HHLA1: variants seen among roughly 807,000 people sequenced by gnomAD.
HHLA1 encodes HHLA1 neighbor of OC90.
A neutral mutation model predicts 69.9 loss-of-function variants in HHLA1; 72 were observed. That is an observed-to-expected ratio of 1.03 (90% CI 0.85 to 1.25). The LOEUF is 1.25. Ranked by LOEUF, HHLA1 falls within the 50% of genes most tolerant of loss-of-function variation. HHLA1 has a pLI of 0.00. For synonymous variants in HHLA1, 252 were observed against 233.2 expected (o/e 1.08, Z -0.73); for missense variants, 685 against 642.2 (o/e 1.07, Z -0.72).
At chr8:132,075,622 T>C (rs531237051) in intron 14 of HHLA1, among the ~76,000 whole-genome samples, 53 of 152,304 alleles carry the variant, frequency 3.5e-4, no homozygotes, top group African/African-American at 1.0e-3. Flanking sequence ...AGTCATCTTT[T>C]TTATTCCTTC....
intron 4 of HHLA1, among the ~76,000 whole-genome samples, chr8:132,099,817 G>A (rs1461408254): frequency 6.6e-6 from 1 of 151,796 alleles, no homozygotes; most frequent in African/African-American, 2.4e-5. Context: ...TCGTGCTATT[G>A]CACTCCAGCC....
In HHLA1 at chr8:132,087,680, A is replaced by G. The variant is rs1823885813; in HGVS notation, c.649T>C (p.Phe217Leu). The G allele has an allele frequency of 6.4e-7, 1 of 1,551,394 alleles. No homozygotes were observed. The highest frequency in any genetic ancestry group is 2.0e-5 in the Admixed American group (1 of 50,982). Reference protein sequence around the residue: ...EEKYPIINYTFTSGLSGVLGA... With the variant: ...EEKYPIINYTLTSGLSGVLGA... ...AGAACACCAGACAAGCCGCTGGTAA[A>G]TGTGTAATTGATAATGGGATATTTT... Residue 217 changes from phenylalanine to leucine, a missense_variant, in exon 10 of 17, where the codon TTT becomes CTT. Coordinates refer to ENST00000414222, the MANE Select transcript of HHLA1 (RefSeq NM_001145095.3).
At chr8:132,079,493 T>C (rs1378432816) in intron 11 of HHLA1, among the ~76,000 whole-genome samples, 1 of 152,230 alleles carries the variant, frequency 6.6e-6, no homozygotes, top group Non-Finnish European at 1.5e-5. Context: ...TAAAAAGGCA[T>C]CAAAATACAT....
At chr8:132,080,399 C>T (rs1047128094) in intron 10 of HHLA1, 2 of 323,784 alleles carry the variant, frequency 6.2e-6, no homozygotes, top group African/African-American at 2.3e-5. Flanking sequence ...AGGAAAATTA[C>T]AGTCAAAGGG....
At chr8:132,068,422 T>C (rs1225523832) in intron 15 of HHLA1, among the ~76,000 whole-genome samples, 1 of 152,194 alleles carries the variant, frequency 6.6e-6, no homozygotes, top group East Asian at 1.9e-4. Context: ...ATGCCCCTGG[T>C]TATTACTTTG....
Position 132,095,611 on chromosome 8 carries a change from A to C in HHLA1, c.365-9T>G, listed in dbSNP as rs558159693. On this transcript the variant is annotated splice_polypyrimidine_tract_variant and intron_variant, in intron 6 of 16. Coordinates refer to ENST00000414222, the MANE Select transcript of HHLA1 (RefSeq NM_001145095.3). ...TGTCTTCAGGTTAGAAACTGTGAAG[A>C]GAAAGGATTCAACAGAGATCCTAAC... is the stretch of plus-strand genomic sequence containing the variant. The C allele has an allele frequency of 6.5e-7, 1 of 1,541,188 alleles. No individual in the cohort carries two copies. Among genetic ancestry groups the C allele is most frequent in the Non-Finnish European group, 8.8e-7 (1 of 1,137,400 alleles).
intron 5 of HHLA1, among the ~76,000 whole-genome samples, 171 bp from the exon 6 acceptor site, chr8:132,095,957 T>C (rs1210285790): frequency 6.6e-6 from 1 of 152,014 alleles, no homozygotes; most frequent in African/African-American, 2.4e-5. Context: ...AAAGTAAAAC[T>C]AAACCAAAAA....
Position 132,085,230 on chromosome 8 carries a change from G to A in HHLA1, c.676+2423C>T, listed in dbSNP as rs527745085. ...AGGCTGCCTTCCCAGTCCGTGACCGGCGCTGGAGTTTTGGGTTCACGGATA... is the reference window on the plus strand; with the variant it reads ...AGGCTGCCTTCCCAGTCCGTGACCGACGCTGGAGTTTTGGGTTCACGGATA... On this transcript the variant is annotated intron_variant, in intron 10 of 16. Coordinates refer to ENST00000414222, the MANE Select transcript of HHLA1 (RefSeq NM_001145095.3). Among the ~76,000 whole-genome samples, 106 of 152,330 alleles carry A rather than the reference G, an allele frequency of 7.0e-4. 1 individual carries two copies. The highest frequency in any genetic ancestry group is 2.7e-3 in the East Asian group (14 of 5,182).
At chr8:132,102,577 C>T (rs1824127039) in intron 3 of HHLA1, among the ~76,000 whole-genome samples, 1 of 152,238 alleles carries the variant, frequency 6.6e-6, no homozygotes, top group Non-Finnish European at 1.5e-5. Flanking sequence ...GCGCAGTCTA[C>T]TCTGCACCAG....
rs1369445952 is a variant in HHLA1 at position 132,077,989 on chromosome 8, C to T, written c.926-18G>A. On this transcript the variant is annotated intron_variant, in intron 11 of 16. Coordinates refer to ENST00000414222, the MANE Select transcript of HHLA1 (RefSeq NM_001145095.3). The stretch of plus-strand genomic sequence containing the variant: ...CCTGGTAGCTGCACATTCAAAGTGA[C>T]AGTAACAGGGTACAGACATGCTTGA... The T allele has an allele frequency of 3.9e-6, 6 of 1,551,218 alleles. No individual in the cohort carries two copies. The highest frequency in any genetic ancestry group is 5.2e-6 in the Non-Finnish European group (6 of 1,146,734).
At chr8:132,090,081 A>C (rs1823924204) in intron 7 of HHLA1, among the ~76,000 whole-genome samples, 1 of 152,238 alleles carries the variant, frequency 6.6e-6, no homozygotes, top group African/African-American at 2.4e-5. Flanking sequence ...ACAAGACAAG[A>C]CACTTTCTAA....
intron 1 of HHLA1, among the ~76,000 whole-genome samples, chr8:132,110,767 C>T (rs1010522861): frequency 6.6e-6 from 1 of 152,182 alleles, no homozygotes; most frequent in African/African-American, 2.4e-5. Flanking sequence ...CTTTTATCCT[C>T]ATTCCAATGT....
chr8:132,103,979 G>T (rs1824160008), intron 3 of HHLA1, 129 bp downstream of exon 3: 3 of 657,486 alleles, frequency 4.6e-6, no homozygotes, highest in Non-Finnish European at 8.3e-6. Context: ...AGGAACCATT[G>T]TTGTGACTAT....
intron 1 of HHLA1, among the ~76,000 whole-genome samples, chr8:132,110,363 G>A (rs976075367): frequency 6.6e-6 from 1 of 152,190 alleles, no homozygotes; most frequent in Non-Finnish European, 1.5e-5. Flanking sequence ...CATTAAGCTG[G>A]CAGGGGCAGC....
chr8:132,065,504 G>T (rs562128521), intron 16 of HHLA1, among the ~76,000 whole-genome samples: 1 of 152,134 alleles, frequency 6.6e-6, no homozygotes, highest in African/African-American at 2.4e-5. Flanking sequence ...GGATGGTCTC[G>T]ATCTCCTGAC....
Position 132,071,464 on chromosome 8 carries a change from C to T in HHLA1, c.1345G>A (p.Ala449Thr). ...AGGGTGAGAGGAGCAGCTGCCATAG[C>T]TCCCACCTTGAAGAGTGGCTGAGGA... ...RCPQPLFKVGAMAAAPLTLAI... is the reference protein window; with the variant it reads ...RCPQPLFKVGTMAAAPLTLAI... Residue 449 changes from alanine (A) to threonine (T), a missense_variant, in exon 15 of 17, where the codon GCT (alanine) becomes ACT (threonine). By Grantham distance (58) the Ala-to-Thr change is moderately conservative. Transcript: ENST00000414222. 6.4e-7 allele frequency: 1 copy of T among 1,551,604 alleles called. No individual in the cohort carries two copies. Among genetic ancestry groups the T allele is most frequent in the Non-Finnish European group, 8.7e-7 (1 of 1,146,926 alleles).
chr8:132,070,271 C>G (rs971134423), intron 15 of HHLA1: 2 of 699,024 alleles, frequency 2.9e-6, no homozygotes, highest in Non-Finnish European at 5.2e-6. Flanking sequence ...CATTGTAGGA[C>G]AGAAAATGTC....
chr8:132,083,574 G>C (rs1823800368), intron 10 of HHLA1, among the ~76,000 whole-genome samples: 2 of 152,206 alleles, frequency 1.3e-5, no homozygotes, highest in South Asian at 4.1e-4. Flanking sequence ...AGGGCTCTGG[G>C]AGTGGCTGCC....
At chr8:132,107,304 T>C (rs1824217520) in intron 1 of HHLA1, among the ~76,000 whole-genome samples, 1 of 152,188 alleles carries the variant, frequency 6.6e-6, no homozygotes, top group Admixed American at 6.5e-5. Flanking sequence ...TATTTATTTT[T>C]ATTTTTATTT....
Sources: allele counts gnomAD v4.1 joint callset (sites outside exome capture counted in the v4.1 genomes callset), GRCh38; gene constraint gnomAD v4.1.1; transcripts MANE v1.5; gene names NCBI Gene and HGNC (gene_info 2026-07-23, HGNC 2026-07-21).